Variants in EPHA3 observed in about 807,000 individuals in gnomAD.
EPHA3 encodes ephrin type-A receptor 3.
Under a neutral mutation model 107.1 loss-of-function variants are expected in EPHA3, and 42 were observed. The ratio of observed to expected loss-of-function variants is 0.39; its 90% confidence interval spans 0.31 to 0.51. The LOEUF (loss-of-function observed/expected upper bound fraction) is 0.51. EPHA3 is among the 20% of genes least tolerant of loss of function. EPHA3 has a pLI of 0.78. For synonymous variants in EPHA3, 461 were observed against 424.8 expected (o/e 1.09, Z -1.05); for missense variants, 1,183 against 1,211.2 (o/e 0.98, Z 0.35).
intron 5 of EPHA3, among the ~76,000 whole-genome samples, chr3:89,353,291 G>T (rs1224872677): frequency 6.6e-6 from 1 of 151,266 alleles, no homozygotes; most frequent in Non-Finnish European, 1.5e-5. Context: ...GAACATGAAG[G>T]TAGACATTTT....
intron 2 of EPHA3, among the ~76,000 whole-genome samples, chr3:89,137,290 G>C (rs1704334580): frequency 6.6e-6 from 1 of 151,826 alleles, no homozygotes; most frequent in South Asian, 2.1e-4. Context: ...AGTTTCAACT[G>C]TTTCATTCCA....
chr3:89,305,988 G>T (rs555120107), intron 3 of EPHA3, among the ~76,000 whole-genome samples: 1 of 152,098 alleles, frequency 6.6e-6, no homozygotes, highest in Non-Finnish European at 1.5e-5. Flanking sequence ...ATCATAAATG[G>T]AGTCAATAGG....
chr3:89,376,333 G>A (rs1708402457), intron 5 of EPHA3, among the ~76,000 whole-genome samples: 1 of 151,260 alleles, frequency 6.6e-6, no homozygotes, highest in Non-Finnish European at 1.5e-5. Context: ...TGTAGGATGT[G>A]TGTATATAAA....
chr3:89,370,727 A>T (rs146336372), intron 5 of EPHA3, among the ~76,000 whole-genome samples: 2,260 of 151,890 alleles, frequency 0.015, 40 homozygotes, highest in African/African-American at 0.052. Context: ...TAAAAAAAGA[A>T]GGAATGCAAA....
rs138874046 is a variant in EPHA3 at position 89,393,922 on chromosome 3, T to C, written c.1307-1915T>C. ...CTTGGAATCAATTTTAGAGAGCAAA[T>C]TGCAGGGTTGTGGGGGTGAAGCCAA... On this transcript the variant is annotated intron_variant, in intron 5 of 16. Coordinates refer to ENST00000336596, the MANE Select transcript of EPHA3 (RefSeq NM_005233.6). Among the ~76,000 whole-genome samples, 785 of 152,088 alleles carry C rather than the reference T, an allele frequency of 5.2e-3. 8 individuals are homozygous for C. Among genetic ancestry groups the C allele is most frequent in the African/African-American group, 0.018 (739 of 41,472 alleles).
At chr3:89,382,183 C>T (rs1172687215) in intron 5 of EPHA3, among the ~76,000 whole-genome samples, 2 of 151,954 alleles carry the variant, frequency 1.3e-5, no homozygotes, top group East Asian at 3.9e-4. Context: ...TATGGTGCGG[C>T]CAACAGATCA....
intron 3 of EPHA3, among the ~76,000 whole-genome samples, chr3:89,217,481 A>T (rs1704247850): frequency 6.6e-6 from 1 of 152,176 alleles, no homozygotes; most frequent in Admixed American, 6.6e-5. Flanking sequence ...TCTGAAATTC[A>T]TGTTAACTGT....
intron 5 of EPHA3, among the ~76,000 whole-genome samples, chr3:89,383,852 G>C (rs1029325651): frequency 1.3e-4 from 20 of 151,626 alleles, no homozygotes; most frequent in Non-Finnish European, 8.8e-5. Context: ...GTTTCACTAT[G>C]TTAGCCAGGA....
intron 5 of EPHA3, among the ~76,000 whole-genome samples, chr3:89,370,297 C>T (rs1040802064): frequency 6.6e-6 from 1 of 151,542 alleles, no homozygotes; most frequent in African/African-American, 2.4e-5. Flanking sequence ...GAAAATGTGG[C>T]ACATATACAC....
chr3:89,331,718 C>T (rs1221008260), intron 3 of EPHA3, among the ~76,000 whole-genome samples: 2 of 152,030 alleles, frequency 1.3e-5, no homozygotes, highest in Admixed American at 6.6e-5. Context: ...TTCTGTTCAT[C>T]TAAAATTAAA....
chr3:89,185,244 T>G (rs1559590253), intron 2 of EPHA3, among the ~76,000 whole-genome samples: 1 of 152,058 alleles, frequency 6.6e-6, no homozygotes, highest in Non-Finnish European at 1.5e-5. Flanking sequence ...ATTTATTTTC[T>G]TTTAAAATAT....
chr3:89,158,450 A>G (rs1307206178), intron 2 of EPHA3, among the ~76,000 whole-genome samples: 1 of 152,104 alleles, frequency 6.6e-6, no homozygotes, highest in African/African-American at 2.4e-5. Context: ...AAGAATATGC[A>G]AAGTATTGGT....
intron 2 of EPHA3, among the ~76,000 whole-genome samples, chr3:89,178,309 A>G (rs1245832318): frequency 1.3e-5 from 2 of 152,124 alleles, no homozygotes; most frequent in Non-Finnish European, 2.9e-5. Context: ...TTCTAAATAT[A>G]ATTTTGATTT....
chr3:89,253,561 T>G (rs1379425674), intron 3 of EPHA3, among the ~76,000 whole-genome samples: 2 of 152,172 alleles, frequency 1.3e-5, no homozygotes, highest in Admixed American at 6.6e-5. Flanking sequence ...GAAAGAAATA[T>G]CCACAGGTGG....
chr3:89,200,306 T>A (rs1161424144), intron 2 of EPHA3, among the ~76,000 whole-genome samples: 3 of 152,198 alleles, frequency 2.0e-5, no homozygotes, highest in East Asian at 3.8e-4. Context: ...GAAAGAAGAA[T>A]CATTCTGAAA....
chr3:89,267,959 C>G (rs1178511388), intron 3 of EPHA3, among the ~76,000 whole-genome samples: 1 of 152,090 alleles, frequency 6.6e-6, no homozygotes, highest in African/African-American at 2.4e-5. Flanking sequence ...GTAATTTTAA[C>G]TGATTTGAAG....
chr3:89,312,224 G>A (rs1488955740), intron 3 of EPHA3, among the ~76,000 whole-genome samples: 1 of 151,932 alleles, frequency 6.6e-6, no homozygotes, highest in African/African-American at 2.4e-5. Flanking sequence ...GAAGGACTTA[G>A]TGCACTTAAA....
intron 5 of EPHA3, among the ~76,000 whole-genome samples, chr3:89,344,553 T>C (rs1483462428): frequency 6.6e-6 from 1 of 152,200 alleles, no homozygotes; most frequent in Non-Finnish European, 1.5e-5. Flanking sequence ...TTAGAAGCAA[T>C]GCCTTTTCTG....
chr3:89,301,754 T>A (rs1706495806), intron 3 of EPHA3, among the ~76,000 whole-genome samples: 1 of 152,142 alleles, frequency 6.6e-6, no homozygotes, highest in African/African-American at 2.4e-5. Flanking sequence ...AAATGTATTC[T>A]AATTTTTTAT....
Sources: gnomAD v4.1 joint callset for allele counts (sites outside exome capture counted in the v4.1 genomes callset) on GRCh38, gnomAD v4.1.1 for gene constraint, MANE v1.5 for transcripts, NCBI Gene and HGNC (gene_info 2026-07-23, HGNC 2026-07-21) for gene names.